Variants in CLMN observed in about 807,000 individuals in gnomAD.
CLMN encodes the protein calmin (calponin-like, transmembrane).
CLMN carries 57 observed loss-of-function variants against 92.7 expected under a neutral mutation model. That is an observed-to-expected ratio of 0.61 (90% CI 0.50 to 0.77). CLMN has a LOEUF of 0.77. Ranked by LOEUF, CLMN falls within the 30% of genes least tolerant of loss-of-function variation. The pLI is 0.00. For missense variants in CLMN, 1,158 were observed against 1,237.5 expected (o/e 0.94, Z 0.96); for synonymous variants, 466 against 470.6 (o/e 0.99, Z 0.13).
chr14:95,314,889 G>T (rs1566928505), intron 1 of CLMN, among the ~76,000 whole-genome samples: 1 of 152,236 alleles, frequency 6.6e-6, no homozygotes, highest in Non-Finnish European at 1.5e-5. Flanking sequence ...CTGGCAGGCA[G>T]TTCCTTGACA....
chr14:95,230,462 G>A (rs1480916563), intron 1 of CLMN, among the ~76,000 whole-genome samples: 2 of 152,242 alleles, frequency 1.3e-5, no homozygotes, highest in Non-Finnish European at 2.9e-5. Context: ...AACCCCACAA[G>A]AGGCTGTAAT....
At chr14:95,278,039 G>A (rs956411963) in intron 1 of CLMN, among the ~76,000 whole-genome samples, 6 of 152,122 alleles carry the variant, frequency 3.9e-5, no homozygotes, top group African/African-American at 1.2e-4. Flanking sequence ...TTCCCTCTCC[G>A]TGAACAACTT....
Position 95,196,522 on chromosome 14 carries a change from C to T in CLMN, c.2684G>A (p.Ser895Asn). The T allele has an allele frequency of 6.2e-7, 1 of 1,612,624 alleles. No homozygotes were observed. The highest frequency in any genetic ancestry group is 8.5e-7 in the Non-Finnish European group (1 of 1,179,646). Residue 895 changes from serine (S) to asparagine (N), a missense_variant, in exon 10 of 13, where the codon AGT becomes AAT. By Grantham distance (46) the Ser-to-Asn change is conservative. Coordinates refer to ENST00000298912, the MANE Select transcript of CLMN (RefSeq NM_024734.4). ...VQSSDDLEED[S>N]SDYSIPSRTS... Reference sequence around the variant, plus strand: ...CCTGGAAGGAATGCTGTAGTCGCTACTGTCTTCTTCTAGGTCATCTGAGGA... The same window carrying T: ...CCTGGAAGGAATGCTGTAGTCGCTATTGTCTTCTTCTAGGTCATCTGAGGA...
At chr14:95,281,159 T>A (rs1900131300) in intron 1 of CLMN, among the ~76,000 whole-genome samples, 1 of 152,228 alleles carries the variant, frequency 6.6e-6, no homozygotes, top group Non-Finnish European at 1.5e-5. Context: ...CAAATTATCT[T>A]GAGACCTTGA....
chr14:95,319,540 C>T (rs1347413356), intron 1 of CLMN, among the ~76,000 whole-genome samples, 171 bp downstream of exon 1: 2 of 152,112 alleles, frequency 1.3e-5, no homozygotes, highest in African/African-American at 4.8e-5. Flanking sequence ...GGCTGGCCGC[C>T]CTGGGGCTTG....
intron 1 of CLMN, among the ~76,000 whole-genome samples, chr14:95,266,833 TAA>T (rs548217723): frequency 6.6e-6 from 1 of 151,966 alleles, no homozygotes; most frequent in African/African-American, 2.4e-5. Context: ...GTAACTGGCA[TAA>T]AAAAAGACAC....
At position 95,187,327 on chromosome 14, in the gene CLMN, T is replaced by C. The variant is rs1346268891; in HGVS notation, c.*4237A>G. 2 of 152,170 alleles carry C rather than the reference T, an allele frequency of 1.3e-5. No homozygotes were observed. The highest frequency in any genetic ancestry group is 1.9e-4 in the East Asian group (1 of 5,194). The allele number at this position is 152,170 out of a possible 1,614,324, so 9.4% of individuals were successfully genotyped here. On this transcript the variant is annotated 3_prime_UTR_variant, in exon 13 of 13. Transcript: ENST00000298912. ...TATTAATACAACCATGAACACAGAA[T>C]ACAGAAGAGAACAGTAAGCAAGAGC... is the stretch of plus-strand genomic sequence containing the variant.
At chr14:95,244,191 G>A (rs28573979) in intron 1 of CLMN, among the ~76,000 whole-genome samples, 35,189 of 151,992 alleles carry the variant, frequency 0.23, 5,300 homozygotes, top group African/African-American at 0.42. Context: ...CCAATCTCAG[G>A]TATTTCTTTA....
At position 95,191,511 on chromosome 14, in the gene CLMN, G is replaced by A; in HGVS notation, c.*53C>T. 1 of 1,502,212 alleles carries A rather than the reference G, an allele frequency of 6.7e-7. No homozygotes were observed. The highest frequency in any genetic ancestry group is 1.3e-5 in the South Asian group (1 of 76,724). The allele number at this position is 1,502,212 out of a possible 1,614,324, so 93.1% of individuals were successfully genotyped here. On this transcript the variant is annotated 3_prime_UTR_variant, in exon 13 of 13. Coordinates refer to ENST00000298912, the MANE Select transcript of CLMN (RefSeq NM_024734.4). This position sits in a 1 kb window ranked among gnomAD's most constrained non-coding sequence, Gnocchi z 5.3. ...CACCCAGAACCCAAAATAAAATGAA[G>A]TAACCCCGCCCCTGGTCAGGGTCCT...
chr14:95,263,452 G>C (rs1219065753), intron 1 of CLMN, among the ~76,000 whole-genome samples: 6 of 152,176 alleles, frequency 3.9e-5, no homozygotes, highest in South Asian at 4.2e-4. Flanking sequence ...TTACCCACTG[G>C]GGTCTGGCAC....
At chr14:95,275,115 C>A (rs993477741) in intron 1 of CLMN, among the ~76,000 whole-genome samples, 1 of 152,080 alleles carries the variant, frequency 6.6e-6, no homozygotes, top group Non-Finnish European at 1.5e-5. Flanking sequence ...ATTAAAAATC[C>A]CAGACTCAGG....
intron 1 of CLMN, among the ~76,000 whole-genome samples, chr14:95,274,702 C>T (rs76852715): frequency 0.086 from 13,032 of 152,240 alleles, 700 homozygotes; most frequent in African/African-American, 0.14. Flanking sequence ...TAGTCACAGC[C>T]GGGCGCGGTG....
chr14:95,208,667 C>T (rs1201415009), intron 8 of CLMN, among the ~76,000 whole-genome samples: 1 of 152,184 alleles, frequency 6.6e-6, no homozygotes. Context: ...ACTTAATGCA[C>T]GTTACATGTA....
chr14:95,309,585 G>A (rs933717186), intron 1 of CLMN, among the ~76,000 whole-genome samples: 1 of 152,210 alleles, frequency 6.6e-6, no homozygotes, highest in Non-Finnish European at 1.5e-5. Flanking sequence ...GTTGGCTCAA[G>A]CCGGACTCTC....
In CLMN at chr14:95,296,878, G is replaced by A. The variant is rs115990870; in HGVS notation, c.82+22833C>T. On this transcript the variant is annotated intron_variant, in intron 1 of 12. Transcript: ENST00000298912. The stretch of plus-strand genomic sequence containing the variant: ...CTGTAATTCATAGCCAAACCTAATC[G>A]AGACTGATCCAAAGTCACCCCTAGG... Among the ~76,000 whole-genome samples the A allele has an allele frequency of 4.1e-3, 629 of 152,276 alleles. 1 individual carries two copies. Among genetic ancestry groups the A allele is most frequent in the African/African-American group, 0.014 (597 of 41,550 alleles).
chr14:95,217,704 C>T (rs1303348588), intron 4 of CLMN, among the ~76,000 whole-genome samples: 1 of 152,246 alleles, frequency 6.6e-6, no homozygotes, highest in Non-Finnish European at 1.5e-5. Context: ...CGCTAGTCAA[C>T]TTGATCACCC....
rs555898530 is a variant in CLMN, at chr14:95,191,863, T to A, written c.2841-131A>T. 1.3e-4 allele frequency: 101 copies of A among 807,150 alleles called. No individual in the cohort carries two copies. The African/African-American group carries it at 1.5e-3, about 12-fold the overall frequency. The allele number at this position is 807,150 out of a possible 1,614,324, so 50.0% of individuals were successfully genotyped here. On this transcript the variant is annotated intron_variant, in intron 12 of 12. Transcript: ENST00000298912. This position sits in a 1 kb window ranked among gnomAD's most constrained non-coding sequence, Gnocchi z 5.3. ...GACCCGAAGGCTCCCCAGCACCATG[T>A]CCAGGTAGGCCCCACACTGTGTGTA...
chr14:95,253,158 T>C (rs1247271504), intron 1 of CLMN, among the ~76,000 whole-genome samples: 2 of 152,182 alleles, frequency 1.3e-5, no homozygotes, highest in African/African-American at 4.8e-5. Flanking sequence ...ATGCCCACTG[T>C]GGCCCCTGAC....
Position 95,203,498 on chromosome 14 carries a change from C to G in CLMN, c.1851G>C (p.Lys617Asn), listed in dbSNP as rs1896949495. ...TCTTAACTTGAGGCTCTGGCGAATC[C>G]TTCTTTTTGTGAGCAGATTTAATAC... ...KRSIKSAHKK[K>N]DSPEPQVKMD... Residue 617 changes from lysine (K) to asparagine (N), a missense_variant, in exon 9 of 13, where the codon AAG becomes AAC. Physicochemically the swap from Lys to Asn is moderately conservative, Grantham distance 94. Coordinates refer to ENST00000298912, the MANE Select transcript of CLMN (RefSeq NM_024734.4). 2 of 1,614,168 alleles carry G rather than the reference C, an allele frequency of 1.2e-6. No homozygotes were observed. Among genetic ancestry groups the G allele is most frequent in the Non-Finnish European group, 1.7e-6 (2 of 1,180,034 alleles).
Sources: allele counts gnomAD v4.1 joint callset (sites outside exome capture counted in the v4.1 genomes callset), GRCh38; gene constraint gnomAD v4.1.1; non-coding constraint Gnocchi (gnomAD v3.1); transcripts MANE v1.5; gene names NCBI Gene and HGNC (gene_info 2026-07-23, HGNC 2026-07-21).